MYO1H: variants seen among roughly 807,000 people sequenced by gnomAD.
MYO1H encodes the protein myosin IH.
MYO1H carries 118 observed loss-of-function variants against 149.3 expected under a neutral mutation model. The ratio of observed to expected loss-of-function variants is 0.79; its 90% CI spans 0.68 to 0.92. The LOEUF (loss-of-function observed/expected upper bound fraction) is 0.92. Among genes scored for constraint, MYO1H ranks in the 40% least tolerant of loss-of-function variants. The probability of loss-of-function intolerance (pLI) is 0.00; values close to 1 mark genes in which losing one functional copy is unlikely to be tolerated. For missense variants in MYO1H, 1,212 were observed against 1,280.7 expected (o/e 0.95, Z 0.82); for synonymous variants, 447 against 465.2 (o/e 0.96, Z 0.50).
intron 1 of MYO1H, among the ~76,000 whole-genome samples, chr12:109,375,969 A>G (rs1869079846): frequency 6.6e-6 from 1 of 152,146 alleles, no homozygotes; most frequent in Non-Finnish European, 1.5e-5. Context: ...ACAGAGCAAG[A>G]CCCTGTCTCA....
In MYO1H at chr12:109,405,911, C is replaced by T. The variant is rs1054070046; in HGVS notation, c.850-11C>T. 3 of 1,577,766 alleles carry T rather than the reference C, an allele frequency of 1.9e-6. No homozygotes were observed. The Admixed American group carries it at 5.0e-5, about 26-fold the overall frequency. ...TGATCTCCTGTCTCTGAACACTTCC[C>T]ATGTTCCTAGAATCTCTTTGGAATT... On this transcript the variant is annotated splice_polypyrimidine_tract_variant and intron_variant, in intron 7 of 31. Coordinates refer to ENST00000310903, the Ensembl canonical transcript of MYO1H.
chr12:109,447,707 C>T (rs1176553443), exon 32 of MYO1H: 10 of 171,890 alleles, frequency 5.8e-5, no homozygotes, highest in Non-Finnish European at 7.6e-5. Flanking sequence ...GTCAGGTGCA[C>T]TGGCGTGTCT....
intron 1 of MYO1H, chr12:109,357,322 T>C (rs1215209716): frequency 1.3e-5 from 2 of 152,260 alleles, no homozygotes; most frequent in East Asian, 1.9e-4. Flanking sequence ...GAGGGATGTA[T>C]TACAAACCAT....
intron 1 of MYO1H, among the ~76,000 whole-genome samples, chr12:109,349,294 TCTTC>T (rs1868404318): frequency 6.6e-6 from 1 of 152,156 alleles, no homozygotes; most frequent in South Asian, 2.1e-4. Context: ...TGGAGGAAGC[TCTTC>T]CTTCTTATGA....
chr12:109,447,528 T>C (rs1006675813), exon 32 of MYO1H: 5 of 417,452 alleles, frequency 1.2e-5, no homozygotes, highest in East Asian at 4.1e-5. Flanking sequence ...CCCTGAGACA[T>C]GATGAAATAC....
the MYO1H span, among the ~76,000 whole-genome samples, chr12:109,310,706 C>T: frequency 5.9e-5 from 9 of 152,140 alleles, no homozygotes; most frequent in Non-Finnish European, 8.8e-5. Context: ...TTCAGGTGGG[C>T]TGTGACCTTG....
At chr12:109,436,407 C>G in intron 21 of MYO1H, 81 bp from the exon 22 acceptor site, 1 of 970,194 alleles carries the variant, frequency 1.0e-6, no homozygotes, top group Non-Finnish European at 1.6e-6. Context: ...TTCCATCGGC[C>G]CCCAAACACC....
intron 31 of MYO1H, 100 bp downstream of exon 31, chr12:109,445,712 C>T: frequency 6.9e-7 from 1 of 1,451,366 alleles, no homozygotes; most frequent in South Asian, 1.5e-5. Context: ...GAATCATAAG[C>T]TATTAATAGT....
chr12:109,435,556 G>C (rs1044759825), intron 21 of MYO1H, among the ~76,000 whole-genome samples: 5 of 152,206 alleles, frequency 3.3e-5, no homozygotes, highest in Non-Finnish European at 7.3e-5. Context: ...AAAACTGCGG[G>C]GGGAGGGAGC....
chr12:109,352,804 A>G (rs1029670786), intron 1 of MYO1H, among the ~76,000 whole-genome samples: 1 of 152,094 alleles, frequency 6.6e-6, no homozygotes. Flanking sequence ...TGCTTTGCAC[A>G]CCTGCCATTA....
intron 1 of MYO1H, among the ~76,000 whole-genome samples, chr12:109,348,861 G>A (rs930437727): frequency 6.6e-6 from 1 of 152,140 alleles, no homozygotes; most frequent in Non-Finnish European, 1.5e-5. Flanking sequence ...GAATAATTTC[G>A]TAGCTGTTCA....
At chr12:109,396,406 T>C in exon 4 of MYO1H, 1 of 1,612,018 alleles carries the variant, frequency 6.2e-7, no homozygotes, top group Non-Finnish European at 8.5e-7. Context: ...CGACAACGCT[T>C]ACCGAATGAT....
At chr12:109,366,696 A>T (rs1052113619) in intron 1 of MYO1H, among the ~76,000 whole-genome samples, 2 of 152,234 alleles carry the variant, frequency 1.3e-5, no homozygotes, top group Non-Finnish European at 2.9e-5. Flanking sequence ...CAGTGAACAG[A>T]TGTAGACAGA....
intron 11 of MYO1H, 22 bp from the exon 12 acceptor site, chr12:109,409,941 C>T (rs1870593003): frequency 2.2e-6 from 3 of 1,349,516 alleles, no homozygotes; most frequent in Non-Finnish European, 3.0e-6. Context: ...ACTTTAGTTA[C>T]TTAAATCTTT....
chr12:109,434,276 C>T (rs1871764232), intron 20 of MYO1H, among the ~76,000 whole-genome samples: 1 of 152,176 alleles, frequency 6.6e-6, no homozygotes. Context: ...TCCCAAAGTG[C>T]TGGGATTGCA....
At position 109,347,928 on chromosome 12, in the gene MYO1H, A is replaced by G. The variant is rs1040816713; in HGVS notation, c.-33A>G. Reference sequence around the variant, plus strand: ...AACTTTTGAATGGCTCAAGAGGAATAGTTGTTAACAACCTGCTCTCCCTCT... The same window carrying G: ...AACTTTTGAATGGCTCAAGAGGAATGGTTGTTAACAACCTGCTCTCCCTCT... On this transcript the variant is annotated 5_prime_UTR_variant, in exon 1 of 32. In the 5' UTR this introduces an upstream ATG that the reference lacks. Transcript: ENST00000310903. 1 of 399,040 alleles carries G rather than the reference A, an allele frequency of 2.5e-6. No homozygotes were observed. Among genetic ancestry groups the G allele is most frequent in the East Asian group, 3.6e-5 (1 of 28,070 alleles). The allele number at this position is 399,040 out of a possible 1,614,324, so 24.7% of individuals were successfully genotyped here.
intron 16 of MYO1H, 25 bp downstream of exon 16, chr12:109,421,052 T>C: frequency 6.9e-7 from 1 of 1,457,480 alleles, no homozygotes; most frequent in Non-Finnish European, 9.5e-7. Flanking sequence ...TAACTGTATG[T>C]GTTTCTGATT....
chr12:109,375,291 T>C (rs2137019148), intron 1 of MYO1H, among the ~76,000 whole-genome samples: 1 of 152,202 alleles, frequency 6.6e-6, no homozygotes, highest in African/African-American at 2.4e-5. Flanking sequence ...TTGCTGGGGC[T>C]ACAGGCGTGT....
intron 1 of MYO1H, among the ~76,000 whole-genome samples, chr12:109,361,944 G>GA (rs1868763028): frequency 6.6e-6 from 1 of 151,062 alleles, no homozygotes; most frequent in African/African-American, 2.4e-5. Context: ...TCAATGCAAA[G>GA]AAAACAATTG....
Sources: gnomAD v4.1 joint callset for allele counts (sites outside exome capture counted in the v4.1 genomes callset) on GRCh38, gnomAD v4.1.1 for gene constraint, MANE v1.5 for transcripts, NCBI Gene and HGNC (gene_info 2026-07-23, HGNC 2026-07-21) for gene names.